RELN: variants seen among roughly 807,000 people sequenced by gnomAD.
The protein encoded by RELN is reelin.
A neutral mutation model predicts 427.6 loss-of-function variants in RELN; 108 were observed. The ratio of observed to expected loss-of-function variants is 0.25; its 90% CI spans 0.22 to 0.30. RELN has a LOEUF of 0.30. Among genes scored for constraint, RELN ranks in the 10% least tolerant of loss-of-function variants. RELN has a pLI of 1.00. For synonymous variants in RELN, 1,524 were observed against 1,513.4 expected (o/e 1.01, Z -0.16); for missense variants, 3,715 against 4,302.8 (o/e 0.86, Z 3.82).
chr7:103,723,257 G>A lies in RELN; in HGVS notation c.754-66C>T. The A allele has an allele frequency of 7.4e-6, 7 of 942,766 alleles. No homozygotes were observed. The South Asian group carries it at 9.3e-5, about 13-fold the overall frequency. The allele number at this position is 942,766 out of a possible 1,614,324, so 58.4% of individuals were successfully genotyped here. Reference sequence around the variant, plus strand: ...AGGAGAAAGAGGAGAAAGATGCTGGGAGGGGTACGGGGAGGGGAAGAGTTA... The same window carrying A: ...AGGAGAAAGAGGAGAAAGATGCTGGAAGGGGTACGGGGAGGGGAAGAGTTA... On this transcript the variant is annotated intron_variant, in intron 7 of 64. Coordinates refer to ENST00000428762, the MANE Select transcript of RELN (RefSeq NM_005045.4).
At chr7:103,791,019 T>C (rs1279770915) in intron 3 of RELN, among the ~76,000 whole-genome samples, 1 of 151,840 alleles carries the variant, frequency 6.6e-6, no homozygotes, top group East Asian at 1.9e-4. Flanking sequence ...ATTCCATTTA[T>C]AAACTCATTG....
At chr7:103,635,671 A>C in intron 18 of RELN, 85 bp from the exon 19 acceptor site, 1 of 1,132,378 alleles carries the variant, frequency 8.8e-7, no homozygotes. Context: ...ATTTCAAATT[A>C]TGTTTCTACT....
chr7:103,921,186 C>T (rs1795610182), intron 1 of RELN, among the ~76,000 whole-genome samples: 1 of 152,160 alleles, frequency 6.6e-6, no homozygotes, highest in South Asian at 2.1e-4. Flanking sequence ...CTCCATCTGA[C>T]ATCCTGTCAA....
chr7:103,890,873 C>T (rs991735173), intron 2 of RELN, among the ~76,000 whole-genome samples: 2 of 152,010 alleles, frequency 1.3e-5, no homozygotes, highest in South Asian at 2.1e-4. Flanking sequence ...GTCAGGAGTT[C>T]GAGACCACCC....
chr7:103,906,985 T>C (rs1379471826), intron 2 of RELN, among the ~76,000 whole-genome samples: 1 of 152,132 alleles, frequency 6.6e-6, no homozygotes, highest in Non-Finnish European at 1.5e-5. Context: ...CTAATTCCTT[T>C]TAAGAATCTG....
In RELN at chr7:103,661,389, A is replaced by G. The variant is rs762867832; in HGVS notation, c.1428T>C (p.Phe476=). ...AAATGTACTTACCCATCACAAAGTA[A>G]AACCTCAGGTTCCCATAACCGGTAG... ...MDTTGYGNLR[F]YFVMGGICDP... The change falls in exon 12 of 65, where the codon TTT becomes TTC. Residue 476 remains phenylalanine, a synonymous_variant. Coordinates refer to ENST00000428762, the MANE Select transcript of RELN (RefSeq NM_005045.4). 8 of 1,613,948 alleles carry G rather than the reference A, an allele frequency of 5.0e-6. No individual in the cohort carries two copies. In the East Asian group the frequency reaches 1.1e-4, roughly 23 times the overall value.
At chr7:103,522,964 C>T (rs1829744588) in intron 47 of RELN, among the ~76,000 whole-genome samples, 1 of 152,086 alleles carries the variant, frequency 6.6e-6, no homozygotes. Flanking sequence ...TACATACTTT[C>T]TTAGGCAAAC....
chr7:103,517,710 T>C (rs758841293), intron 49 of RELN, among the ~76,000 whole-genome samples: 97 of 152,206 alleles, frequency 6.4e-4, no homozygotes, highest in Non-Finnish European at 3.2e-4. Flanking sequence ...TGGATTCCTT[T>C]ATTGGTGTCC....
intron 50 of RELN, among the ~76,000 whole-genome samples, chr7:103,514,549 C>T (rs1270725913): frequency 1.3e-5 from 2 of 152,144 alleles, no homozygotes; most frequent in Non-Finnish European, 2.9e-5. Flanking sequence ...ATCCCAGCTA[C>T]TCTGGAGGCT....
intron 31 of RELN, among the ~76,000 whole-genome samples, chr7:103,570,142 T>C (rs949520136): frequency 3.3e-5 from 5 of 152,288 alleles, no homozygotes; most frequent in African/African-American, 9.6e-5. Context: ...TCAAGACTAG[T>C]TGAGAAAAAG....
intron 20 of RELN, among the ~76,000 whole-genome samples, chr7:103,628,910 AG>A (rs945231758): frequency 5.9e-5 from 9 of 152,192 alleles, no homozygotes; most frequent in Non-Finnish European, 1.2e-4. Context: ...AGACCCTAAA[AG>A]ATCTGGCCTC....
chr7:103,762,281 G>A (rs764326069), intron 4 of RELN, among the ~76,000 whole-genome samples: 1 of 152,180 alleles, frequency 6.6e-6, no homozygotes, highest in Non-Finnish European at 1.5e-5. Flanking sequence ...ACAGTAGAAC[G>A]ACCCTGCCAG....
At chr7:103,825,409 T>TA (rs1219163496) in intron 3 of RELN, among the ~76,000 whole-genome samples, 14 of 151,986 alleles carry the variant, frequency 9.2e-5, no homozygotes, top group Admixed American at 5.9e-4. Flanking sequence ...GCCCATAAAA[T>TA]AAAAAACCAT....
chr7:103,638,525 A>C (rs1200688311), intron 17 of RELN, among the ~76,000 whole-genome samples: 4 of 150,498 alleles, frequency 2.7e-5, no homozygotes, highest in Non-Finnish European at 5.9e-5. Context: ...GATTTGTTTA[A>C]AGGAAGTAAG....
chr7:103,749,778 C>T lies in RELN; in HGVS notation c.578-274G>A, dbSNP rs118139357. On this transcript the variant is annotated intron_variant, in intron 5 of 64. Coordinates refer to ENST00000428762, the MANE Select transcript of RELN (RefSeq NM_005045.4). ...GCAGGCAAGGCAGGAAGGCCAAAATCAGCACCAACCTACAAGGAGAGGCTA... is the reference window on the plus strand; with the variant it reads ...GCAGGCAAGGCAGGAAGGCCAAAATTAGCACCAACCTACAAGGAGAGGCTA... Among the ~76,000 whole-genome samples, 2,320 of 152,302 alleles carry T rather than the reference C, an allele frequency of 0.015. 23 individuals carry two copies. The highest frequency in any genetic ancestry group is 0.026 in the Non-Finnish European group (1,742 of 68,012).
At chr7:103,557,625 G>C (rs764306557) in intron 37 of RELN, among the ~76,000 whole-genome samples, 3 of 152,042 alleles carry the variant, frequency 2.0e-5, no homozygotes, top group Non-Finnish European at 2.9e-5. Flanking sequence ...ATCTGTAAAA[G>C]AAAATCCACG....
chr7:103,890,367 C>G (rs1584337055), intron 2 of RELN, among the ~76,000 whole-genome samples: 1 of 152,028 alleles, frequency 6.6e-6, no homozygotes, highest in South Asian at 2.1e-4. Flanking sequence ...TGGTCCCTGG[C>G]CCATTAGGAA....
intron 2 of RELN, among the ~76,000 whole-genome samples, chr7:103,844,755 C>T (rs535498149): frequency 6.6e-6 from 1 of 152,234 alleles, no homozygotes; most frequent in African/African-American, 2.4e-5. Context: ...TAAAACAATT[C>T]ATATTGTGAG....
intron 16 of RELN, among the ~76,000 whole-genome samples, chr7:103,649,038 A>T (rs981474572): frequency 2.0e-5 from 3 of 152,038 alleles, no homozygotes; most frequent in African/African-American, 4.8e-5. Flanking sequence ...TATCTCTCAA[A>T]AAATGAAAAC....
Sources: gnomAD v4.1 joint callset for allele counts (sites outside exome capture counted in the v4.1 genomes callset) on GRCh38, gnomAD v4.1.1 for gene constraint, MANE v1.5 for transcripts, NCBI Gene and HGNC (gene_info 2026-07-23, HGNC 2026-07-21) for gene names.